The following FNDC3B variants were observed in gnomAD, a reference collection of about 807,000 sequenced individuals.
The protein encoded by FNDC3B is fibronectin type III domain-containing protein 3B.
Under a neutral mutation model 151.5 loss-of-function variants are expected in FNDC3B, and 12 were observed. That is an observed-to-expected ratio of 0.08 (90% CI 0.05 to 0.13). The LOEUF (loss-of-function observed/expected upper bound fraction) is 0.13. Ranked by LOEUF, FNDC3B falls within the 10% of genes least tolerant of loss-of-function variation. The pLI is 1.00. For synonymous variants in FNDC3B, 528 were observed against 549.0 expected (o/e 0.96, Z 0.54); for missense variants, 1,214 against 1,505.3 (o/e 0.81, Z 3.20).
At chr3:172,160,528 C>T (rs979678941) in intron 3 of FNDC3B, among the ~76,000 whole-genome samples, 2 of 152,202 alleles carry the variant, frequency 1.3e-5, no homozygotes, top group Non-Finnish European at 2.9e-5. Context: ...TACTGCTTTC[C>T]GAATTTCACT....
chr3:172,351,306 GA>G (rs1485733899), intron 21 of FNDC3B, among the ~76,000 whole-genome samples: 2 of 152,182 alleles, frequency 1.3e-5, no homozygotes, highest in Non-Finnish European at 2.9e-5. Context: ...GATGTCTGGA[GA>G]AAAAGCTTTC....
At chr3:172,212,798 TG>T (rs1725798206) in intron 3 of FNDC3B, among the ~76,000 whole-genome samples, 1 of 152,172 alleles carries the variant, frequency 6.6e-6, no homozygotes. Context: ...TTGATGGGGA[TG>T]GACTGAAGAG....
intron 3 of FNDC3B, among the ~76,000 whole-genome samples, chr3:172,155,528 AG>A (rs1430291088): frequency 6.6e-6 from 1 of 152,222 alleles, no homozygotes; most frequent in African/African-American, 2.4e-5. Context: ...CAAGTCTAGT[AG>A]GTAGGTGGAC....
intron 1 of FNDC3B, among the ~76,000 whole-genome samples, chr3:172,042,831 G>GTTTTT (rs397696676): frequency 7.1e-6 from 1 of 141,446 alleles, no homozygotes; most frequent in African/African-American, 2.6e-5. Flanking sequence ...AACAGTTTAA[G>GTTTTT]TTTTTTTTTT....
At chr3:172,157,473 A>G (rs779478800) in intron 3 of FNDC3B, among the ~76,000 whole-genome samples, 3 of 152,218 alleles carry the variant, frequency 2.0e-5, no homozygotes, top group Non-Finnish European at 4.4e-5. Context: ...CAGATTTGTA[A>G]TAATCACTAC....
intron 1 of FNDC3B, among the ~76,000 whole-genome samples, chr3:172,084,836 A>G (rs1034992441): frequency 3.9e-5 from 6 of 152,198 alleles, no homozygotes; most frequent in Non-Finnish European, 7.4e-5. Flanking sequence ...TTAAAATAGT[A>G]TGTATCATTT....
chr3:172,232,765 G>A (rs1462706078), intron 4 of FNDC3B, among the ~76,000 whole-genome samples: 1 of 152,218 alleles, frequency 6.6e-6, no homozygotes, highest in African/African-American at 2.4e-5. Flanking sequence ...GGAGAACATG[G>A]ACGTTACCTG....
chr3:172,277,187 C>G (rs1316052311), intron 6 of FNDC3B, among the ~76,000 whole-genome samples: 1 of 152,066 alleles, frequency 6.6e-6, no homozygotes, highest in Non-Finnish European at 1.5e-5. Context: ...GCAAATGTAG[C>G]AAAATGTTAA....
At chr3:172,242,802 G>A (rs1727569455) in intron 4 of FNDC3B, among the ~76,000 whole-genome samples, 1 of 152,212 alleles carries the variant, frequency 6.6e-6, no homozygotes. Context: ...AATTTCTGCA[G>A]TGGGCTTGAA....
At chr3:172,264,811 C>T (rs537407307) in intron 6 of FNDC3B, among the ~76,000 whole-genome samples, 8 of 152,148 alleles carry the variant, frequency 5.3e-5, no homozygotes, top group Admixed American at 5.2e-4. Context: ...TATTTTAAGA[C>T]TATGTTACAA....
rs536428531 is a variant in FNDC3B, at chr3:172,219,544, C to G, written c.188-7327C>G. Among the ~76,000 whole-genome samples, 5 of 152,334 alleles carry G rather than the reference C, an allele frequency of 3.3e-5. No individual in the cohort carries two copies. The South Asian group carries it at 1.0e-3, about 32-fold the overall frequency. On this transcript the variant is annotated intron_variant, in intron 3 of 25. Coordinates refer to ENST00000415807, the MANE Select transcript of FNDC3B (RefSeq NM_022763.4). ...TATTCACAATGTTATGCAACCACTA[C>G]CTCTGTTTCCAAAACGTTTTTCATC...
intron 4 of FNDC3B, among the ~76,000 whole-genome samples, chr3:172,231,822 A>G (rs35327886): frequency 0.26 from 38,180 of 147,988 alleles, 5,015 homozygotes; most frequent in East Asian, 0.45. Context: ...GTGCCTACTT[A>G]TGCATCTCCA....
chr3:172,397,361 C>T lies in FNDC3B; in HGVS notation c.3501C>T (p.Pro1167=). ...LTGDMGSLDD[P]KMKSMMPTDE... ...GGGACATGGGGAGCTTAGATGATCCCAAAATGAAGAGCATGATGCCTACTG... is the reference window on the plus strand; with the variant it reads ...GGGACATGGGGAGCTTAGATGATCCTAAAATGAAGAGCATGATGCCTACTG... Residue 1167 remains proline (P), a synonymous_variant, in exon 26 of 26, where the codon CCC becomes CCT. Transcript: ENST00000415807. 6.2e-7 allele frequency: 1 copy of T among 1,614,114 alleles called. No homozygotes were observed. Among genetic ancestry groups the T allele is most frequent in the Non-Finnish European group, 8.5e-7 (1 of 1,179,994 alleles).
chr3:172,191,688 G>C (rs1724516670), intron 3 of FNDC3B, among the ~76,000 whole-genome samples: 1 of 151,962 alleles, frequency 6.6e-6, no homozygotes, highest in African/African-American at 2.4e-5. Context: ...GTAGAGATGG[G>C]GTCTCACTGT....
intron 22 of FNDC3B, among the ~76,000 whole-genome samples, chr3:172,360,019 C>T (rs1365012980): frequency 6.6e-6 from 1 of 152,002 alleles, no homozygotes; most frequent in African/African-American, 2.4e-5. Flanking sequence ...TAAATAAATA[C>T]CTGGGATTGG....
chr3:172,276,275 C>G (rs1249667548), intron 6 of FNDC3B, among the ~76,000 whole-genome samples: 2 of 152,106 alleles, frequency 1.3e-5, no homozygotes, highest in East Asian at 3.8e-4. Context: ...GTGTTCCAAA[C>G]CAGAAGTCAC....
chr3:172,275,913 A>G (rs772686876), intron 6 of FNDC3B, among the ~76,000 whole-genome samples: 1 of 152,176 alleles, frequency 6.6e-6, no homozygotes, highest in Non-Finnish European at 1.5e-5. Flanking sequence ...TACAATCCCA[A>G]AAGAGGCAAA....
intron 3 of FNDC3B, among the ~76,000 whole-genome samples, chr3:172,203,200 C>A (rs1276514394): frequency 6.6e-6 from 1 of 152,172 alleles, no homozygotes; most frequent in Non-Finnish European, 1.5e-5. Flanking sequence ...CTCTCCCTGC[C>A]CCCCTTCCCC....
At chr3:172,045,698 CACTCTT>C (rs1311126429) in intron 1 of FNDC3B, among the ~76,000 whole-genome samples, 2 of 152,048 alleles carry the variant, frequency 1.3e-5, no homozygotes, top group African/African-American at 4.8e-5. Context: ...AATTAATTCT[CACTCTT>C]AAGGCTGTTG....
Sources: gnomAD v4.1 joint callset for allele counts (sites outside exome capture counted in the v4.1 genomes callset) on GRCh38, gnomAD v4.1.1 for gene constraint, MANE v1.5 for transcripts, NCBI Gene and HGNC (gene_info 2026-07-23, HGNC 2026-07-21) for gene names.